Variants in IL15RA observed in about 807,000 individuals in gnomAD.
The protein encoded by IL15RA is interleukin 15 receptor subunit alpha.
Under a neutral mutation model 24.2 loss-of-function variants are expected in IL15RA, and 26 were observed. The observed-to-expected ratio is 1.07, with a 90% confidence interval of 0.79 to 1.49. IL15RA has a LOEUF of 1.49. Ranked by LOEUF, IL15RA falls within the 40% of genes most tolerant of loss-of-function variation. IL15RA has a pLI of 0.00. For missense variants in IL15RA, 354 were observed against 356.4 expected, an observed-to-expected ratio of 0.99 and a Z score of 0.05; for synonymous variants, 166 against 157.6, an observed-to-expected ratio of 1.05 and a Z score of -0.40.
In IL15RA at chr10:5,963,752, AAGGGGAG is replaced by A; in HGVS notation, c.366_372del (p.Ser123LeufsTer28). 1 of 1,515,704 alleles carries A rather than the reference AAGGGGAG, an allele frequency of 6.6e-7. No homozygotes were observed. The highest frequency in any genetic ancestry group is 8.7e-7 in the Non-Finnish European group (1 of 1,143,290). 93.9% of individuals were successfully genotyped at this position (1,515,704 alleles called of 1,614,324 possible). A position where few individuals can be genotyped will look rare whatever the true frequency, so the allele number is the denominator to read the frequency against. ...TTTCTGACCTTCCTACCTTTTCCAG[AAGGGGAG>A]AGGCTCTCTGGCTGTGGGGTCACCC... is the stretch of plus-strand genomic sequence containing the variant. On this transcript the variant is annotated frameshift_variant, in exon 3 of 7. Transcript: ENST00000379977. LOFTEE classifies it high-confidence loss of function. The surrounding 1 kb of genome is among the most constrained non-coding windows in gnomAD (Gnocchi z 5.3).
Position 5,968,907 on chromosome 10 carries a change from ACAGC to A in IL15RA, c.89-2572_89-2569del. On this transcript the variant is annotated intron_variant, in intron 1 of 6. Transcript: ENST00000379977. This position sits in a 1 kb window ranked among gnomAD's most constrained non-coding sequence, Gnocchi z 5.4. ...AGATATTCTGCTCCTTCCCGCCAGG[ACAGC>A]CAGCCTGTCTCTTGCATCTGTAACA... The A allele has an allele frequency of 6.7e-7, 1 of 1,490,330 alleles. No individual in the cohort carries two copies. The highest frequency in any genetic ancestry group is 9.0e-7 in the Non-Finnish European group (1 of 1,105,602). The allele number at this position is 1,490,330 out of a possible 1,614,324, so 92.3% of individuals were successfully genotyped here.
Position 5,975,105 on chromosome 10 carries a change from T to C in IL15RA, c.88+2300A>G, listed in dbSNP as rs553119874. The stretch of plus-strand genomic sequence containing the variant: ...TCTCTACCCATGAGAAATGAAAACA[T>C]GTGTCCATACAGAAACCTGTATGTC... On this transcript the variant is annotated intron_variant, in intron 1 of 6. Transcript: ENST00000379977. This position sits in a 1 kb window ranked among gnomAD's most constrained non-coding sequence, Gnocchi z 4.8. 5.3e-4 allele frequency among the ~76,000 whole-genome samples: 80 copies of C among 152,082 alleles called. No homozygotes were observed. The highest frequency in any genetic ancestry group is 1.8e-3 in the African/African-American group (73 of 41,480).
At position 5,959,611 on chromosome 10, in the gene IL15RA, A is replaced by G. The variant is rs1032523604; in HGVS notation, c.616+143T>C. ...CCATAAATCAGCTATTACTTAACTT[A>G]TTATCTGATGGAGGCCTTCTGAGTG... On this transcript the variant is annotated intron_variant, in intron 5 of 6. Transcript: ENST00000379977. The surrounding 1 kb of genome is among the most constrained non-coding windows in gnomAD (Gnocchi z 4.1). The G allele has an allele frequency of 1.1e-4, 76 of 709,440 alleles. No homozygotes were observed. The highest frequency in any genetic ancestry group is 1.1e-3 in the African/African-American group (60 of 56,356). 43.9% of individuals were successfully genotyped at this position (709,440 alleles called of 1,614,324 possible). A position where few individuals can be genotyped will look rare whatever the true frequency, so the allele number is the denominator to read the frequency against.
In IL15RA at chr10:5,955,066, G is replaced by A. The variant is rs1427308512; in HGVS notation, c.692+1313C>T. On this transcript the variant is annotated intron_variant, in intron 6 of 6. Transcript: ENST00000379977. This position sits in a 1 kb window ranked among gnomAD's most constrained non-coding sequence, Gnocchi z 5.3. ...TTTATAGTAGCATTTCATGGAATGT[G>A]CATTTTGTCAAAATTAGGCTCAAAG... Among the ~76,000 whole-genome samples the A allele has an allele frequency of 6.6e-6, 1 of 151,018 alleles. No individual in the cohort carries two copies. The highest frequency in any genetic ancestry group is 1.5e-5 in the Non-Finnish European group (1 of 67,874).
rs988127464 is a variant in IL15RA at position 5,964,888 on chromosome 10, C to T, written c.284-1047G>A. Among the ~76,000 whole-genome samples, 2 of 152,210 alleles carry T rather than the reference C, an allele frequency of 1.3e-5. No homozygotes were observed. The highest frequency in any genetic ancestry group is 4.8e-5 in the African/African-American group (2 of 41,448). ...CACTGATGCCACGGGGTGCTGTGTC[C>T]CCAGCGAGTGATTTCTTGGAACAAG... On this transcript the variant is annotated intron_variant, in intron 2 of 6. Transcript: ENST00000379977. The surrounding 1 kb of genome is among the most constrained non-coding windows in gnomAD (Gnocchi z 5.6).
At chr10:5,976,039 A>ATTTAT (rs1440968794) in intron 1 of IL15RA, among the ~76,000 whole-genome samples, 2 of 152,308 alleles carry the variant, frequency 1.3e-5, no homozygotes, top group East Asian at 3.9e-4. Flanking sequence ...TCCCCTATCC[A>ATTTAT]CTCAGTCTTC....
At position 5,953,336 on chromosome 10, in the gene IL15RA, G is replaced by C. The variant is rs542051909; in HGVS notation, c.693-130C>G. The stretch of plus-strand genomic sequence containing the variant: ...GGAGCAGACAGAGGCCCTGCCACGG[G>C]AGTCAGACAGAGAGCACTTAGTCCT... On this transcript the variant is annotated intron_variant, in intron 6 of 6. Transcript: ENST00000379977. The surrounding 1 kb of genome is among the most constrained non-coding windows in gnomAD (Gnocchi z 5.3). The C allele has an allele frequency of 1.4e-6, 1 of 733,586 alleles. No homozygotes were observed. Among genetic ancestry groups the C allele is most frequent in the Admixed American group, 2.0e-5 (1 of 50,136 alleles). The allele number at this position is 733,586 out of a possible 1,614,324, so 45.4% of individuals were successfully genotyped here. A position where few individuals can be genotyped will look rare whatever the true frequency, so the allele number is the denominator to read the frequency against.
At chr10:5,977,938 C>T (rs1289918849), upstream of IL15RA, 6 of 238,120 alleles carry the variant, frequency 2.5e-5, no homozygotes, top group Middle Eastern at 1.3e-3. Flanking sequence ...TTGACCTCGC[C>T]CGGCGCTGGT....
chr10:5,960,238 G>T lies in IL15RA; in HGVS notation c.583+129C>A. ...CAGGACGCCGTGGCTGGTGGCCGGG[G>T]CCAGCAGGCTGCCCAGTGAATCCTG... On this transcript the variant is annotated intron_variant, in intron 4 of 6. Transcript: ENST00000379977. The surrounding 1 kb of genome is among the most constrained non-coding windows in gnomAD (Gnocchi z 5.1). 1 of 883,446 alleles carries T rather than the reference G, an allele frequency of 1.1e-6. No individual in the cohort carries two copies. Among genetic ancestry groups the T allele is most frequent in the Non-Finnish European group, 1.8e-6 (1 of 548,138 alleles). The allele number at this position is 883,446 out of a possible 1,614,324, so 54.7% of individuals were successfully genotyped here. A position where few individuals can be genotyped will look rare whatever the true frequency, so the allele number is the denominator to read the frequency against.
At position 5,959,978 on chromosome 10, in the gene IL15RA, G is replaced by C. The variant is rs1231464135; in HGVS notation, c.584-192C>G. Among the ~76,000 whole-genome samples the C allele has an allele frequency of 1.3e-5, 2 of 152,182 alleles. No individual in the cohort carries two copies. The highest frequency in any genetic ancestry group is 2.9e-5 in the Non-Finnish European group (2 of 68,026). On this transcript the variant is annotated intron_variant, in intron 4 of 6. Coordinates refer to ENST00000379977, the MANE Select transcript of IL15RA (RefSeq NM_002189.4). This position sits in a 1 kb window ranked among gnomAD's most constrained non-coding sequence, Gnocchi z 4.1. ...AGGTGCTGGCCACACTTAAGAATCA[G>C]ATAAGCCTTACAGAAGGTCCCCATT... is the stretch of plus-strand genomic sequence containing the variant.
rs1157161477 is a variant in IL15RA, at chr10:5,968,280, T to A, written c.89-1941A>T. ...AAACATCCCAAACCTCACTAACACA[T>A]CCCTGTTAGAATTCCATGACCTCTG... is the stretch of plus-strand genomic sequence containing the variant. On this transcript the variant is annotated intron_variant, in intron 1 of 6. Coordinates refer to ENST00000379977, the MANE Select transcript of IL15RA (RefSeq NM_002189.4). This position sits in a 1 kb window ranked among gnomAD's most constrained non-coding sequence, Gnocchi z 5.4. Among the ~76,000 whole-genome samples, 1 of 146,198 alleles carries A rather than the reference T, an allele frequency of 6.8e-6. No individual in the cohort carries two copies. Among genetic ancestry groups the A allele is most frequent in the African/African-American group, 2.5e-5 (1 of 40,004 alleles).
rs141286468 is a variant in IL15RA, at chr10:5,957,352, T to C, written c.617-898A>G. ...GTGCAGTGGCGTGATCTCAGCTCAC[T>C]ACAACCTCCAGCTCCAGTGTTCAAG... On this transcript the variant is annotated intron_variant, in intron 5 of 6. Coordinates refer to ENST00000379977, the MANE Select transcript of IL15RA (RefSeq NM_002189.4). Among the ~76,000 whole-genome samples the C allele has an allele frequency of 5.1e-3, 774 of 151,986 alleles. 8 individuals are homozygous for C. The highest frequency in any genetic ancestry group is 0.018 in the African/African-American group (742 of 41,454).
At chr10:5,977,060 T>A (rs1838572141) in intron 1 of IL15RA, 1 of 221,716 alleles carries the variant, frequency 4.5e-6, no homozygotes, top group African/African-American at 2.3e-5. Flanking sequence ...CTCGCCCGTG[T>A]CTCCAAACTG....
rs980557648 is a variant in IL15RA, at chr10:5,968,436, C to T, written c.89-2097G>A. Reference sequence around the variant, plus strand: ...CTTCTCCTCTGTCACAGGGGCAGCGCTCTGCTCACTTCCTGTCTCAGGCAT... The same window carrying T: ...CTTCTCCTCTGTCACAGGGGCAGCGTTCTGCTCACTTCCTGTCTCAGGCAT... On this transcript the variant is annotated intron_variant, in intron 1 of 6. Transcript: ENST00000379977. The surrounding 1 kb of genome is among the most constrained non-coding windows in gnomAD (Gnocchi z 5.4). 3.3e-5 allele frequency among the ~76,000 whole-genome samples: 5 copies of T among 152,216 alleles called. No homozygotes were observed. The highest frequency in any genetic ancestry group is 2.0e-4 in the Admixed American group (3 of 15,288).
At chr10:5,977,052 C>G (rs8177633) in intron 1 of IL15RA, 70,111 of 210,726 alleles carry the variant, frequency 0.33, 13,243 homozygotes, top group Non-Finnish European at 0.41. Flanking sequence ...GAAGCGCACT[C>G]GCCCGTGTCT....
In IL15RA at chr10:5,975,875, A is replaced by C. The variant is rs8177637; in HGVS notation, c.88+1530T>G. Among the ~76,000 whole-genome samples the C allele has an allele frequency of 2.0e-4, 31 of 152,012 alleles. No homozygotes were observed. The highest frequency in any genetic ancestry group is 7.2e-4 in the African/African-American group (30 of 41,452). On this transcript the variant is annotated intron_variant, in intron 1 of 6. Transcript: ENST00000379977. The surrounding 1 kb of genome is among the most constrained non-coding windows in gnomAD (Gnocchi z 4.8). ...GCTACTGCACCCCAGCCGGGGTGAC[A>C]GAGTGAGACTCCGTCTCAAAAAAGA...
chr10:5,948,965 T>C (rs906386973), downstream of IL15RA: 2 of 279,336 alleles, frequency 7.2e-6, no homozygotes, highest in Admixed American at 4.2e-5. Context: ...TCATATATAA[T>C]GTGTAGATAT....
rs1293183721 is a variant in IL15RA, at chr10:5,973,974, T to C, written c.88+3431A>G. 6.6e-6 allele frequency among the ~76,000 whole-genome samples: 1 copy of C among 151,118 alleles called. No homozygotes were observed. Among genetic ancestry groups the C allele is most frequent in the Non-Finnish European group, 1.5e-5 (1 of 67,812 alleles). On this transcript the variant is annotated intron_variant, in intron 1 of 6. Transcript: ENST00000379977. The surrounding 1 kb of genome is among the most constrained non-coding windows in gnomAD (Gnocchi z 4.5). ...AAGAACTCTCAAAATTCAGTAATGA[T>C]ACAATTCAATTTTTTATACATAAGA...
At chr10:5,974,872 G>A (rs142369110) in intron 1 of IL15RA, among the ~76,000 whole-genome samples, 275 of 151,716 alleles carry the variant, frequency 1.8e-3, no homozygotes, top group African/African-American at 6.3e-3. Flanking sequence ...GTGAGATTCT[G>A]TCTCAAAATA....
Sources: allele counts gnomAD v4.1 joint callset (sites outside exome capture counted in the v4.1 genomes callset), GRCh38; gene constraint gnomAD v4.1.1; non-coding constraint Gnocchi (gnomAD v3.1); transcripts MANE v1.5; gene names NCBI Gene and HGNC (gene_info 2026-07-23, HGNC 2026-07-21).